The following SYNE1 variants were observed in gnomAD, a reference collection of about 807,000 sequenced individuals.
SYNE1 encodes the protein spectrin repeat containing nuclear envelope protein 1.
A neutral mutation model predicts 1,111.0 loss-of-function variants in SYNE1; 616 were observed. The ratio of observed to expected loss-of-function variants is 0.55; its 90% CI spans 0.52 to 0.59. The LOEUF is 0.59. SYNE1 is among the 20% of genes least tolerant of loss of function. SYNE1 has a pLI of 0.00. For missense variants in SYNE1, 10,006 were observed against 10,417.0 expected (o/e 0.96, Z 1.72); for synonymous variants, 3,855 against 3,825.8 (o/e 1.01, Z -0.28).
chr6:152,326,763 T>C (rs1289692482), intron 78 of SYNE1, 130 bp from the exon 79 acceptor site: 2 of 833,534 alleles, frequency 2.4e-6, no homozygotes, highest in African/African-American at 1.7e-5. Flanking sequence ...ATTGATAAGT[T>C]AGTGGAATAT....
At chr6:152,483,346 AG>A in intron 13 of SYNE1, 97 bp from the exon 14 acceptor site, 1 of 1,040,458 alleles carries the variant, frequency 9.6e-7, no homozygotes. Context: ...TAAAGCTTTA[AG>A]TTAATGATTT....
At chr6:152,169,394 C>G (rs35176748) in intron 130 of SYNE1, among the ~76,000 whole-genome samples, 2 of 151,556 alleles carry the variant, frequency 1.3e-5, no homozygotes, top group African/African-American at 2.4e-5. Context: ...AACCCTGTCT[C>G]TACTAAAAAT....
At chr6:152,455,344 A>C (rs2098688371) in intron 24 of SYNE1, 82 bp downstream of exon 24, 2 of 1,478,630 alleles carry the variant, frequency 1.4e-6, no homozygotes, top group Non-Finnish European at 1.8e-6. Flanking sequence ...TCTGTATCAG[A>C]TCAGCATGCC....
chr6:152,610,753 G>T (rs2099628940), intron 3 of SYNE1, among the ~76,000 whole-genome samples: 1 of 152,148 alleles, frequency 6.6e-6, no homozygotes. Flanking sequence ...AGATAGGTCG[G>T]GTTACCCATA....
At chr6:152,428,177 C>T (rs1340401921) in intron 37 of SYNE1, 28 bp downstream of exon 37, 1 of 1,610,932 alleles carries the variant, frequency 6.2e-7, no homozygotes, top group Non-Finnish European at 8.5e-7. Flanking sequence ...TTTAGTAGTG[C>T]AGCAACTCAA....
chr6:152,603,007 C>A (rs2099599878), intron 3 of SYNE1, among the ~76,000 whole-genome samples: 1 of 152,072 alleles, frequency 6.6e-6, no homozygotes, highest in African/African-American at 2.4e-5. Context: ...CATATATGAG[C>A]CAGACCAGGG....
intron 6 of SYNE1, among the ~76,000 whole-genome samples, chr6:152,514,522 T>C (rs1374495114): frequency 1.3e-5 from 2 of 152,000 alleles, no homozygotes; most frequent in Admixed American, 6.6e-5. Flanking sequence ...AAATACCTAA[T>C]GTAGATGATG....
At chr6:152,495,645 C>A (rs1042837856) in intron 11 of SYNE1, among the ~76,000 whole-genome samples, 2 of 152,194 alleles carry the variant, frequency 1.3e-5, no homozygotes, top group African/African-American at 4.8e-5. Context: ...ACCTGTTCCA[C>A]CCTGACTCAT....
chr6:152,246,599 A>G (rs2087234244), intron 105 of SYNE1, among the ~76,000 whole-genome samples: 1 of 152,234 alleles, frequency 6.6e-6, no homozygotes, highest in Non-Finnish European at 1.5e-5. Flanking sequence ...GTATCTGACA[A>G]AAAGGAGTTC....
At chr6:152,457,377 T>A (rs768208235) in intron 22 of SYNE1, among the ~76,000 whole-genome samples, 8 of 152,208 alleles carry the variant, frequency 5.3e-5, no homozygotes, top group Non-Finnish European at 1.0e-4. Context: ...CACTCTCGGC[T>A]CTTTCTACTA....
intron 131 of SYNE1, among the ~76,000 whole-genome samples, chr6:152,158,009 G>A (rs113633463): frequency 0.13 from 19,403 of 152,030 alleles, 1,504 homozygotes; most frequent in Non-Finnish European, 0.18. Flanking sequence ...CGCCCACCTC[G>A]GCCTCCCAAA....
chr6:152,387,147 T>G lies in SYNE1; in HGVS notation c.8412A>C (p.Thr2804=), dbSNP rs1352615188. The part of the protein sequence containing the change: ...IAKSRELYEK[T]EDESFKDTAQ... ...CTGTGTCCTTGAAAGACTCATCCTCTGTCTTTTCGTAGAGCTCCCTGGACT... is the reference window on the plus strand; with the variant it reads ...CTGTGTCCTTGAAAGACTCATCCTCGGTCTTTTCGTAGAGCTCCCTGGACT... Residue 2804 remains threonine (T), a synonymous_variant, in exon 54 of 146, where the codon ACA becomes ACC. Transcript: ENST00000367255. 3 of 1,614,094 alleles carry G rather than the reference T, an allele frequency of 1.9e-6. No homozygotes were observed. In the South Asian group the frequency reaches 3.3e-5, roughly 18 times the overall value.
chr6:152,350,048 AT>A, intron 72 of SYNE1, 119 bp downstream of exon 72: 1 of 1,295,342 alleles, frequency 7.7e-7, no homozygotes, highest in Non-Finnish European at 1.1e-6. Context: ...CAGTACAATC[AT>A]TATAAACCAG....
At chr6:152,336,683 C>T in intron 76 of SYNE1, 158 bp downstream of exon 76, 1 of 952,986 alleles carries the variant, frequency 1.0e-6, no homozygotes. Flanking sequence ...TGTGCTTGTC[C>T]ATAACCTGGG....
intron 16 of SYNE1, among the ~76,000 whole-genome samples, chr6:152,469,120 GA>G (rs1302941881): frequency 6.6e-6 from 1 of 152,054 alleles, no homozygotes; most frequent in Non-Finnish European, 1.5e-5. Flanking sequence ...ACCAAGGAAA[GA>G]ATTGCACTTA....
intron 87 of SYNE1, chr6:152,316,484 G>A (rs1563008644): frequency 3.4e-6 from 1 of 290,806 alleles, no homozygotes; most frequent in Non-Finnish European, 6.6e-6. Flanking sequence ...CAGTCTGAGT[G>A]TGGAGTCTAG....
chr6:152,219,493 G>A (rs924684767), intron 119 of SYNE1, among the ~76,000 whole-genome samples: 187 of 132,712 alleles, frequency 1.4e-3, no homozygotes, highest in East Asian at 2.1e-3. Context: ...ACATAAACAA[G>A]AAAAAAAAAA....
chr6:152,607,215 A>G (rs2099618152), intron 3 of SYNE1, among the ~76,000 whole-genome samples: 1 of 150,484 alleles, frequency 6.6e-6, no homozygotes, highest in Admixed American at 6.6e-5. Context: ...CCATCTCCTG[A>G]GCTTTTGATC....
At chr6:152,221,331 T>C in intron 118 of SYNE1, 95 bp downstream of exon 118, 4 of 1,460,640 alleles carry the variant, frequency 2.7e-6, no homozygotes, top group South Asian at 1.2e-5. Context: ...ATAGAATCTA[T>C]ATAGCTCAAA....
Sources: allele counts gnomAD v4.1 joint callset (sites outside exome capture counted in the v4.1 genomes callset), GRCh38; gene constraint gnomAD v4.1.1; transcripts MANE v1.5; gene names NCBI Gene and HGNC (gene_info 2026-07-23, HGNC 2026-07-21).